ATF7IP: variants seen among roughly 807,000 people sequenced by gnomAD.
ATF7IP encodes the protein activating transcription factor 7 interacting protein, also known as activating transcription factor 7-interacting protein 1.
In ATF7IP, 23 loss-of-function variants were observed where a neutral mutation model predicts 106.4. That is an observed-to-expected ratio of 0.22 (90% confidence interval 0.16 to 0.31). ATF7IP has a LOEUF of 0.31. Among genes scored for constraint, ATF7IP ranks in the 10% least tolerant of loss-of-function variants. The pLI is 1.00. For synonymous variants in ATF7IP, 542 were observed against 539.0 expected (o/e 1.01, Z -0.08); for missense variants, 1,334 against 1,524.3 (o/e 0.88, Z 2.08).
At chr12:14,401,533 A>G (rs1375662571) in intron 1 of ATF7IP, among the ~76,000 whole-genome samples, 1 of 145,570 alleles carries the variant, frequency 6.9e-6, no homozygotes, top group Non-Finnish European at 1.5e-5. Context: ...TGTCATAGTT[A>G]CCTTTTTTAT....
chr12:14,440,035 G>T (rs979016738), intron 5 of ATF7IP, among the ~76,000 whole-genome samples: 1 of 152,120 alleles, frequency 6.6e-6, no homozygotes, highest in Non-Finnish European at 1.5e-5. Context: ...AAATGTTCCT[G>T]TTACTGACAA....
chr12:14,467,477 A>T (rs1943878360), intron 10 of ATF7IP, among the ~76,000 whole-genome samples: 1 of 152,194 alleles, frequency 6.6e-6, no homozygotes, highest in African/African-American at 2.4e-5. Flanking sequence ...AGTATTAGAG[A>T]TCAGAGTTGT....
At chr12:14,465,070 G>T (rs1355079745) in intron 9 of ATF7IP, among the ~76,000 whole-genome samples, 2 of 152,046 alleles carry the variant, frequency 1.3e-5, no homozygotes, top group African/African-American at 4.8e-5. Flanking sequence ...ACAAAAATTA[G>T]CCAGGCATGG....
chr12:14,381,739 T>C (rs1939010206), intron 1 of ATF7IP, among the ~76,000 whole-genome samples: 1 of 152,182 alleles, frequency 6.6e-6, no homozygotes, highest in Admixed American at 6.5e-5. Context: ...ATAAAACATA[T>C]ATTTACTCTC....
intron 1 of ATF7IP, among the ~76,000 whole-genome samples, chr12:14,366,143 T>A (rs1461441541): frequency 6.6e-6 from 1 of 152,248 alleles, no homozygotes; most frequent in African/African-American, 2.4e-5. Context: ...AACCTTAAAT[T>A]CTCACAATTT....
chr12:14,452,596 C>T (rs1943247928), intron 6 of ATF7IP, among the ~76,000 whole-genome samples: 1 of 152,122 alleles, frequency 6.6e-6, no homozygotes, highest in Non-Finnish European at 1.5e-5. Context: ...TAACTTTAAT[C>T]ATATAAGAGC....
At chr12:14,425,541 C>G in intron 2 of ATF7IP, 68 bp downstream of exon 2, 3 of 1,381,828 alleles carry the variant, frequency 2.2e-6, no homozygotes, top group Non-Finnish European at 1.9e-6. Flanking sequence ...AAAACATTAT[C>G]ATAATGTTTT....
intron 1 of ATF7IP, among the ~76,000 whole-genome samples, chr12:14,387,928 C>T (rs1939328514): frequency 6.6e-6 from 1 of 152,154 alleles, no homozygotes; most frequent in African/African-American, 2.4e-5. Flanking sequence ...GGCCAAGGGT[C>T]CAAACCTGAA....
intron 1 of ATF7IP, among the ~76,000 whole-genome samples, chr12:14,396,970 G>T (rs757919971): frequency 6.6e-6 from 1 of 152,088 alleles, no homozygotes; most frequent in Non-Finnish European, 1.5e-5. Context: ...AGACCAGCCT[G>T]ACTAACATGG....
At chr12:14,446,533 A>G (rs1235878148) in intron 5 of ATF7IP, among the ~76,000 whole-genome samples, 1 of 152,272 alleles carries the variant, frequency 6.6e-6, no homozygotes, top group Non-Finnish European at 1.5e-5. Flanking sequence ...ATTCATTTAC[A>G]CTTCTGTTGA....
intron 12 of ATF7IP, among the ~76,000 whole-genome samples, chr12:14,479,560 G>C (rs571425193): frequency 6.6e-6 from 1 of 152,094 alleles, no homozygotes; most frequent in Non-Finnish European, 1.5e-5. Flanking sequence ...ATATCTTGTA[G>C]GAATCAGGAT....
intron 4 of ATF7IP, among the ~76,000 whole-genome samples, chr12:14,437,364 C>T (rs1022492563): frequency 2.0e-5 from 3 of 152,164 alleles, no homozygotes; most frequent in Non-Finnish European, 4.4e-5. Flanking sequence ...TAGAAACTCT[C>T]AGTGTTGTTT....
intron 1 of ATF7IP, among the ~76,000 whole-genome samples, chr12:14,408,072 TCTC>T (rs533909108): frequency 6.6e-6 from 1 of 151,736 alleles, no homozygotes; most frequent in Non-Finnish European, 1.5e-5. Context: ...GTTTTATGAT[TCTC>T]CTGTAAATAG....
intron 3 of ATF7IP, 35 bp from the exon 4 acceptor site, chr12:14,436,071 C>T (rs1942388343): frequency 6.2e-7 from 1 of 1,602,650 alleles, no homozygotes; most frequent in Non-Finnish European, 8.5e-7. Context: ...ATAAGAAAAA[C>T]ACCTGAGTGT....
chr12:14,494,327 A>ATGTGTGTGTGTGTGTGTG (rs1288418837), intron 13 of ATF7IP, among the ~76,000 whole-genome samples: 1 of 86,850 alleles, frequency 1.2e-5, no homozygotes, highest in African/African-American at 5.3e-5. Flanking sequence ...ATATATATAT[A>ATGTGTGTGTGTGTGTGTG]TATATATGTG....
intron 2 of ATF7IP, among the ~76,000 whole-genome samples, chr12:14,428,217 T>C (rs1409236285): frequency 6.6e-6 from 1 of 152,118 alleles, no homozygotes; most frequent in Non-Finnish European, 1.5e-5. Context: ...TATGTCAGAA[T>C]CTTGATATTG....
At chr12:14,421,877 T>C (rs1234634817) in intron 1 of ATF7IP, among the ~76,000 whole-genome samples, 1 of 152,214 alleles carries the variant, frequency 6.6e-6, no homozygotes, top group Non-Finnish European at 1.5e-5. Flanking sequence ...AAATCAGCCT[T>C]GTATTTTTCT....
intron 1 of ATF7IP, among the ~76,000 whole-genome samples, chr12:14,406,381 G>A (rs1019434151): frequency 1.3e-5 from 2 of 152,124 alleles, no homozygotes; most frequent in Non-Finnish European, 2.9e-5. Flanking sequence ...TTACTGGCGA[G>A]AGCCACCGCG....
At chr12:14,430,913 G>A (rs1351688788) in intron 2 of ATF7IP, among the ~76,000 whole-genome samples, 1 of 152,170 alleles carries the variant, frequency 6.6e-6, no homozygotes, top group Non-Finnish European at 1.5e-5. Context: ...GGTTGTGTCA[G>A]ACAGAGGTCA....
Sources: gnomAD v4.1 joint callset for allele counts (sites outside exome capture counted in the v4.1 genomes callset) on GRCh38, gnomAD v4.1.1 for gene constraint, MANE v1.5 for transcripts, NCBI Gene and HGNC (gene_info 2026-07-23, HGNC 2026-07-21) for gene names.